The following DAB1 variants were observed in gnomAD, a reference collection of about 807,000 sequenced individuals.
DAB1 encodes the protein disabled homolog 1.
A neutral mutation model predicts 64.6 loss-of-function variants in DAB1; 15 were observed. That is an observed-to-expected ratio of 0.23 (90% CI 0.16 to 0.36). The LOEUF is 0.36. Ranked by LOEUF, DAB1 falls within the 10% of genes least tolerant of loss-of-function variation. The pLI, the probability that DAB1 is intolerant of heterozygous loss-of-function variation, is 1.00. For missense variants in DAB1, 596 were observed against 706.7 expected (o/e 0.84, Z 1.78); for synonymous variants, 235 against 251.9 (o/e 0.93, Z 0.64).
chr1:57,096,732 C>T (rs1399238886), intron 4 of DAB1, among the ~76,000 whole-genome samples: 2 of 152,216 alleles, frequency 1.3e-5, no homozygotes, highest in Non-Finnish European at 2.9e-5. Context: ...AACTTTTTCA[C>T]TTATTTGTGT....
chr1:57,938,721 C>G (rs559971526), intron 5 of DAB1, among the ~76,000 whole-genome samples: 1 of 99,550 alleles, frequency 1.0e-5, no homozygotes, highest in Admixed American at 1.0e-4. Context: ...CCCTACAGTA[C>G]TAAAACAATT....
At chr1:57,379,168 C>T (rs906845229) in intron 1 of DAB1, among the ~76,000 whole-genome samples, 1 of 150,208 alleles carries the variant, frequency 6.7e-6, no homozygotes, top group Non-Finnish European at 1.5e-5. Flanking sequence ...AGCTAAGAAA[C>T]CCCCTCCCCC....
chr1:57,284,686 A>T (rs1458514790), intron 2 of DAB1, among the ~76,000 whole-genome samples: 1 of 152,288 alleles, frequency 6.6e-6, no homozygotes, highest in Non-Finnish European at 1.5e-5. Context: ...TTAAAAGATC[A>T]TTCTCTCAGG....
At chr1:57,269,834 C>T (rs538631356) in intron 2 of DAB1, among the ~76,000 whole-genome samples, 1 of 152,206 alleles carries the variant, frequency 6.6e-6, no homozygotes, top group South Asian at 2.1e-4. Flanking sequence ...CGGTAATCCT[C>T]CCTAAATCAT....
At chr1:57,939,039 AG>A (rs1645065906) in intron 5 of DAB1, among the ~76,000 whole-genome samples, 1 of 152,162 alleles carries the variant, frequency 6.6e-6, no homozygotes, top group East Asian at 1.9e-4. Context: ...CACCGTAGAC[AG>A]GGTAGCTTTT....
At chr1:58,000,372 T>C (rs532019950) in intron 5 of DAB1, among the ~76,000 whole-genome samples, 5 of 152,168 alleles carry the variant, frequency 3.3e-5, no homozygotes, top group Non-Finnish European at 5.9e-5. Context: ...TGAATGTGAT[T>C]TGTGACTTGC....
At chr1:58,048,350 A>C (rs1341395628) in intron 5 of DAB1, 1 of 1,008,088 alleles carries the variant, frequency 9.9e-7, no homozygotes, top group Non-Finnish European at 1.6e-6. Context: ...TTAATTGCCC[A>C]AATCACTGTA....
At chr1:57,850,867 T>TC (rs1653490668) in intron 1 of DAB1, among the ~76,000 whole-genome samples, 1 of 152,196 alleles carries the variant, frequency 6.6e-6, no homozygotes. Flanking sequence ...TAAGAATCTT[T>TC]CCCCTTTAAT....
chr1:57,714,339 G>C (rs7535273), intron 6 of DAB1, among the ~76,000 whole-genome samples: 55,909 of 151,928 alleles, frequency 0.37, 10,525 homozygotes, highest in East Asian at 0.46. Flanking sequence ...GGAAATCTGG[G>C]TTTTGAACCC....
chr1:58,017,954 C>T (rs1432225104), intron 5 of DAB1, among the ~76,000 whole-genome samples: 5 of 152,196 alleles, frequency 3.3e-5, no homozygotes, highest in Non-Finnish European at 7.3e-5. Context: ...TTTAATTTCT[C>T]TTTAACCTTT....
At chr1:57,962,269 C>T (rs1039462610) in intron 5 of DAB1, among the ~76,000 whole-genome samples, 3 of 152,056 alleles carry the variant, frequency 2.0e-5, no homozygotes, top group African/African-American at 7.2e-5. Context: ...TAAATATCAC[C>T]GTATCTGCCT....
At chr1:57,981,009 A>C (rs1408587997) in intron 5 of DAB1, among the ~76,000 whole-genome samples, 2 of 152,038 alleles carry the variant, frequency 1.3e-5, no homozygotes, top group Non-Finnish European at 2.9e-5. Context: ...ATAATATGAC[A>C]GGGAAAGTTC....
chr1:58,068,513 C>T (rs991287204), intron 5 of DAB1, among the ~76,000 whole-genome samples: 1 of 152,072 alleles, frequency 6.6e-6, no homozygotes, highest in Non-Finnish European at 1.5e-5. Flanking sequence ...CGCCTGTAAT[C>T]CCAGCACTTT....
At chr1:58,171,954 G>A (rs1410393428) in intron 4 of DAB1, among the ~76,000 whole-genome samples, 12 of 152,192 alleles carry the variant, frequency 7.9e-5, no homozygotes, top group Non-Finnish European at 1.5e-4. Context: ...AGCAAGGAAC[G>A]AGTACAGCCT....
chr1:57,196,730 A>C (rs1448500894), intron 2 of DAB1, among the ~76,000 whole-genome samples: 1 of 152,264 alleles, frequency 6.6e-6, no homozygotes, highest in African/African-American at 2.4e-5. Flanking sequence ...AAAAATATTT[A>C]TCACTTGGAG....
intron 1 of DAB1, chr1:58,536,810 T>C (rs12044071): frequency 9.1e-6 from 7 of 771,556 alleles, no homozygotes; most frequent in Non-Finnish European, 1.3e-5. Flanking sequence ...CTCAAATGCA[T>C]ACACTAGAAT....
At chr1:58,392,018 G>A (rs1483802901) in intron 3 of DAB1, among the ~76,000 whole-genome samples, 3 of 152,190 alleles carry the variant, frequency 2.0e-5, no homozygotes, top group African/African-American at 4.8e-5. Context: ...AGGAATATGC[G>A]TAGCCAGGCT....
At chr1:58,312,063 A>G (rs1662443426) in intron 4 of DAB1, among the ~76,000 whole-genome samples, 1 of 152,134 alleles carries the variant, frequency 6.6e-6, no homozygotes, top group Admixed American at 6.5e-5. Context: ...AAGCAAGAAA[A>G]AGCTGCCATC....
intron 2 of DAB1, among the ~76,000 whole-genome samples, chr1:57,243,071 C>G (rs1311378458): frequency 6.6e-6 from 1 of 152,198 alleles, no homozygotes; most frequent in Non-Finnish European, 1.5e-5. Context: ...AGCGGATACT[C>G]TGAGGTTCCC....
Sources: gnomAD v4.1 joint callset for allele counts (sites outside exome capture counted in the v4.1 genomes callset) on GRCh38, gnomAD v4.1.1 for gene constraint, MANE v1.5 for transcripts, NCBI Gene and HGNC (gene_info 2026-07-23, HGNC 2026-07-21) for gene names.